The following GRM7 variants were observed in gnomAD, a reference collection of about 807,000 sequenced individuals.
The protein encoded by GRM7 is glutamate metabotropic receptor 7, also known as metabotropic glutamate receptor 7.
In GRM7, 35 loss-of-function variants were observed where a neutral mutation model predicts 84.5. The observed-to-expected ratio is 0.41, with a 90% confidence interval of 0.32 to 0.55. GRM7 has a LOEUF of 0.55. Among genes scored for constraint, GRM7 ranks in the 20% least tolerant of loss-of-function variants. The probability of loss-of-function intolerance (pLI) is 0.19; values close to 1 mark genes in which losing one functional copy is unlikely to be tolerated. For synonymous variants in GRM7, 487 were observed against 455.1 expected (o/e 1.07, Z -0.89); for missense variants, 1,003 against 1,194.6 (o/e 0.84, Z 2.36).
At chr3:7,119,783 T>C (rs1301363062) in intron 1 of GRM7, among the ~76,000 whole-genome samples, 1 of 152,132 alleles carries the variant, frequency 6.6e-6, no homozygotes, top group Non-Finnish European at 1.5e-5. Context: ...ATAGATGAAT[T>C]TGCATTAGGT....
chr3:7,054,856 C>T (rs1330170457), intron 1 of GRM7, among the ~76,000 whole-genome samples: 2 of 151,846 alleles, frequency 1.3e-5, no homozygotes, highest in African/African-American at 2.4e-5. Flanking sequence ...TCTGACTCTT[C>T]TTTACAACAA....
At chr3:7,514,849 C>A (rs541384578) in intron 7 of GRM7, among the ~76,000 whole-genome samples, 1 of 152,266 alleles carries the variant, frequency 6.6e-6, no homozygotes, top group East Asian at 1.9e-4. Context: ...TTTTATTCTC[C>A]AGAGTCCGCT....
intron 1 of GRM7, among the ~76,000 whole-genome samples, chr3:7,100,012 A>G (rs1465273104): frequency 1.3e-5 from 2 of 148,606 alleles, no homozygotes; most frequent in Non-Finnish European, 3.0e-5. Context: ...ACATGTACAT[A>G]TATGTAATAT....
intron 8 of GRM7, among the ~76,000 whole-genome samples, chr3:7,650,553 T>G (rs1292482902): frequency 6.6e-6 from 1 of 152,212 alleles, no homozygotes; most frequent in East Asian, 1.9e-4. Context: ...CAGAAGGAAT[T>G]CTGTTAGCTG....
intron 4 of GRM7, among the ~76,000 whole-genome samples, chr3:7,361,802 C>T (rs1176885857): frequency 1.3e-5 from 2 of 152,106 alleles, no homozygotes; most frequent in Non-Finnish European, 2.9e-5. Flanking sequence ...CTTCTGGCTG[C>T]TGATGCATTC....
chr3:7,530,279 T>G (rs755933173), intron 7 of GRM7, among the ~76,000 whole-genome samples: 4 of 152,262 alleles, frequency 2.6e-5, no homozygotes, highest in African/African-American at 9.6e-5. Flanking sequence ...AACTTATCCT[T>G]TTTATGGCTG....
intron 5 of GRM7, among the ~76,000 whole-genome samples, chr3:7,421,341 C>T (rs2124827669): frequency 6.6e-6 from 1 of 152,260 alleles, no homozygotes; most frequent in South Asian, 2.1e-4. Context: ...GCATAGCCTT[C>T]TGTATGGTTG....
chr3:7,169,197 AT>A (rs202158956), intron 2 of GRM7, among the ~76,000 whole-genome samples: 8 of 151,056 alleles, frequency 5.3e-5, no homozygotes, highest in East Asian at 1.9e-4. Flanking sequence ...ATAGGGGTGC[AT>A]TTTTTTTTGA....
At chr3:6,977,054 T>A (rs768529000) in intron 1 of GRM7, among the ~76,000 whole-genome samples, 27 of 152,176 alleles carry the variant, frequency 1.8e-4, no homozygotes, top group Non-Finnish European at 3.8e-4. Context: ...GAATGACTGC[T>A]GGCCATTTAT....
At chr3:7,255,089 T>C (rs376883535) in intron 2 of GRM7, among the ~76,000 whole-genome samples, 21 of 152,292 alleles carry the variant, frequency 1.4e-4, no homozygotes, top group African/African-American at 3.6e-4. Flanking sequence ...AAAGTACTGG[T>C]TTTGTTCTTT....
rs1372985845 is a variant in GRM7, at chr3:6,973,864, G to A, written c.519+111957G>A. On this transcript the variant is annotated intron_variant, in intron 1 of 9. Transcript: ENST00000357716. The stretch of plus-strand genomic sequence containing the variant: ...CTTAGCAGCTATGGTAAGGACTTGA[G>A]TTTTGTTTGATAAGAGGGAAAGTCA... Among the ~76,000 whole-genome samples the A allele has an allele frequency of 2.6e-5, 4 of 152,294 alleles. No individual in the cohort carries two copies. The East Asian group carries it at 7.7e-4, about 29-fold the overall frequency.
At chr3:7,619,385 CA>C (rs1697255903) in intron 8 of GRM7, among the ~76,000 whole-genome samples, 1 of 151,548 alleles carries the variant, frequency 6.6e-6, no homozygotes, top group African/African-American at 2.4e-5. Context: ...TGTACACTTA[CA>C]AGTTAAGGAG....
intron 7 of GRM7, among the ~76,000 whole-genome samples, chr3:7,541,783 A>G (rs752959607): frequency 6.6e-5 from 10 of 152,216 alleles, no homozygotes; most frequent in Admixed American, 5.9e-4. Flanking sequence ...CAAGGCTGCA[A>G]TAGTTTCCTG....
chr3:6,940,830 G>T (rs548953346), intron 1 of GRM7, among the ~76,000 whole-genome samples: 2 of 152,130 alleles, frequency 1.3e-5, no homozygotes, highest in African/African-American at 2.4e-5. Context: ...AACCACCTAA[G>T]TTCTTCCTCA....
chr3:7,309,187 T>A (rs1358843910), intron 4 of GRM7, among the ~76,000 whole-genome samples: 1 of 152,192 alleles, frequency 6.6e-6, no homozygotes, highest in Non-Finnish European at 1.5e-5. Flanking sequence ...TTTGTTCACT[T>A]TCGTAGCAGA....
intron 2 of GRM7, among the ~76,000 whole-genome samples, chr3:7,209,040 C>T (rs1015259841): frequency 6.6e-6 from 1 of 152,310 alleles, no homozygotes; most frequent in East Asian, 1.9e-4. Context: ...CTGAATCTCA[C>T]AGCCTTGCCT....
rs375854092 is a variant in GRM7 at position 7,588,043 on chromosome 3, C to T, written c.2451+8686C>T. Among the ~76,000 whole-genome samples the T allele has an allele frequency of 6.6e-5, 10 of 152,218 alleles. No homozygotes were observed. In the East Asian group the frequency reaches 9.7e-4, roughly 15 times the overall value. ...CTATACCCTCCCTCCCCAAGTAAAGCATGAGACATTGGAATGAGACTGCAA... is the reference window on the plus strand; with the variant it reads ...CTATACCCTCCCTCCCCAAGTAAAGTATGAGACATTGGAATGAGACTGCAA... On this transcript the variant is annotated intron_variant, in intron 8 of 9. Transcript: ENST00000357716.
chr3:7,345,330 A>G (rs1692841951), intron 4 of GRM7, among the ~76,000 whole-genome samples: 1 of 150,754 alleles, frequency 6.6e-6, no homozygotes, highest in South Asian at 2.1e-4. Context: ...GCTGGAGTGC[A>G]ATGGTGGGAT....
chr3:7,176,935 G>T (rs901350090), intron 2 of GRM7, among the ~76,000 whole-genome samples: 1 of 152,226 alleles, frequency 6.6e-6, no homozygotes, highest in Non-Finnish European at 1.5e-5. Flanking sequence ...TAACCTTCAT[G>T]TGAAGCGGAA....
Sources: allele counts gnomAD v4.1 joint callset (sites outside exome capture counted in the v4.1 genomes callset), GRCh38; gene constraint gnomAD v4.1.1; transcripts MANE v1.5; gene names NCBI Gene and HGNC (gene_info 2026-07-23, HGNC 2026-07-21).